The following EFR3B variants were observed in gnomAD, a reference collection of about 807,000 sequenced individuals.
EFR3B encodes the protein protein EFR3 homolog B.
In EFR3B, 64 loss-of-function variants were observed where a neutral mutation model predicts 104.7. The ratio of observed to expected loss-of-function variants is 0.61; its 90% CI spans 0.50 to 0.75. The LOEUF (loss-of-function observed/expected upper bound fraction) is 0.75, where lower values mean the gene tolerates loss of function less well. Among genes scored for constraint, EFR3B ranks in the 30% least tolerant of loss-of-function variants. The pLI is 0.00. For missense variants in EFR3B, 750 were observed against 1,078.5 expected, an observed-to-expected ratio of 0.70 and a Z score of 4.27; for synonymous variants, 385 against 417.9, an observed-to-expected ratio of 0.92 and a Z score of 0.96.
At chr2:25,073,957 C>T (rs534331140) in intron 1 of EFR3B, among the ~76,000 whole-genome samples, 10 of 152,098 alleles carry the variant, frequency 6.6e-5, no homozygotes, top group Non-Finnish European at 1.0e-4. Context: ...ATACCCAAGC[C>T]GCTTATATTT....
chr2:25,069,629 G>T (rs1042655478), intron 1 of EFR3B, among the ~76,000 whole-genome samples: 1 of 152,236 alleles, frequency 6.6e-6, no homozygotes, highest in South Asian at 2.1e-4. Context: ...TTTTGCAGTC[G>T]TGTTTATACC....
At chr2:25,078,762 C>A (rs1265886201) in intron 1 of EFR3B, among the ~76,000 whole-genome samples, 1 of 152,190 alleles carries the variant, frequency 6.6e-6, no homozygotes, top group Non-Finnish European at 1.5e-5. Flanking sequence ...AGAAGTCGAG[C>A]TGGCAGAGAG....
At chr2:25,093,247 C>G (rs946161881) in intron 3 of EFR3B, 117 bp downstream of exon 3, 17 of 1,353,536 alleles carry the variant, frequency 1.3e-5, no homozygotes. Context: ...GTAATCCCAG[C>G]GCTTTGGGAG....
chr2:25,119,004 G>A (rs888131016), intron 4 of EFR3B, among the ~76,000 whole-genome samples: 8 of 151,844 alleles, frequency 5.3e-5, no homozygotes, highest in African/African-American at 1.9e-4. Context: ...GTACATTTGA[G>A]TCTACACAGT....
chr2:25,125,781 T>A (rs1670149532), intron 5 of EFR3B, among the ~76,000 whole-genome samples: 4 of 152,142 alleles, frequency 2.6e-5, no homozygotes, highest in Admixed American at 2.6e-4. Flanking sequence ...ACCCTGTCTC[T>A]ACTAAAAATA....
intron 1 of EFR3B, among the ~76,000 whole-genome samples, chr2:25,052,121 G>A (rs56276051): frequency 2.8e-4 from 42 of 151,530 alleles, no homozygotes; most frequent in African/African-American, 9.5e-4. Flanking sequence ...ACCTGAACCC[G>A]GGAGGCGGAG....
At chr2:25,056,434 T>C (rs1668023743) in intron 1 of EFR3B, among the ~76,000 whole-genome samples, 1 of 85,860 alleles carries the variant, frequency 1.2e-5, no homozygotes, top group African/African-American at 4.4e-5. Flanking sequence ...ATATTACTTG[T>C]GCTTTTTTTT....
chr2:25,093,498 A>C (rs1669192874), intron 3 of EFR3B, among the ~76,000 whole-genome samples: 1 of 151,994 alleles, frequency 6.6e-6, no homozygotes, highest in Admixed American at 6.6e-5. Context: ...ATTTTGTCTC[A>C]AAAAAAGAAA....
intron 5 of EFR3B, among the ~76,000 whole-genome samples, chr2:25,124,740 A>G: frequency 7.6e-5 from 1 of 13,146 alleles, no homozygotes; most frequent in African/African-American, 1.7e-4. Flanking sequence ...CTCTGTCTCA[A>G]AAAAAAAAAA....
chr2:25,132,960 T>C lies in EFR3B; in HGVS notation c.1205T>C (p.Met402Thr), dbSNP rs1388879988. 1.9e-6 allele frequency: 3 copies of C among 1,551,676 alleles called. No individual in the cohort carries two copies. Among genetic ancestry groups the C allele is most frequent in the Admixed American group, 2.0e-5 (1 of 51,002 alleles). The change falls in exon 11 of 23, where the codon ATG becomes ACG. Residue 402 changes from methionine to threonine, a missense_variant. Transcript: ENST00000403714. ...CGCTCCGAGGTGATCCTCTTCATCA[T>C]GAGCAAGGTCCCGCGGCCATCCCTG... ...YQRSEVILFI[M>T]SKVPRPSLHQ...
chr2:25,094,037 A>C (rs894608843), intron 3 of EFR3B, among the ~76,000 whole-genome samples: 4 of 152,146 alleles, frequency 2.6e-5, no homozygotes, highest in Admixed American at 2.0e-4. Context: ...CTATAATCCC[A>C]GCACTTTAGG....
At chr2:25,059,964 T>C (rs1349219743) in intron 1 of EFR3B, among the ~76,000 whole-genome samples, 1 of 150,502 alleles carries the variant, frequency 6.6e-6, no homozygotes, top group African/African-American at 2.4e-5. Flanking sequence ...TTTGGGAGGC[T>C]GAGATGGGCA....
At chr2:25,084,618 T>C (rs1016887254) in intron 1 of EFR3B, among the ~76,000 whole-genome samples, 1 of 152,148 alleles carries the variant, frequency 6.6e-6, no homozygotes, top group Non-Finnish European at 1.5e-5. Flanking sequence ...CCTGACGACA[T>C]GTGCCCAAGG....
intron 1 of EFR3B, among the ~76,000 whole-genome samples, chr2:25,061,624 G>T (rs1668198454): frequency 1.3e-5 from 2 of 151,914 alleles, no homozygotes; most frequent in South Asian, 4.2e-4. Context: ...CTCCTGAGCA[G>T]CTGGGATTAC....
chr2:25,085,504 G>A (rs1327848763), intron 1 of EFR3B, among the ~76,000 whole-genome samples: 1 of 151,902 alleles, frequency 6.6e-6, no homozygotes, highest in Non-Finnish European at 1.5e-5. Context: ...TCTTTCTGTT[G>A]CCCAGGCTGG....
intron 4 of EFR3B, among the ~76,000 whole-genome samples, chr2:25,115,831 G>C (rs943051441): frequency 6.6e-6 from 1 of 152,226 alleles, no homozygotes; most frequent in Admixed American, 6.5e-5. Flanking sequence ...ATTTACTGCT[G>C]TTATTACTTA....
intron 1 of EFR3B, among the ~76,000 whole-genome samples, chr2:25,058,707 C>T (rs957257613): frequency 1.3e-4 from 19 of 151,112 alleles, no homozygotes; most frequent in Admixed American, 9.2e-4. Context: ...TGCAGTGAGC[C>T]GAGATCACGC....
intron 21 of EFR3B, among the ~76,000 whole-genome samples, chr2:25,152,723 A>G (rs1216601443): frequency 6.6e-6 from 1 of 152,228 alleles, no homozygotes; most frequent in East Asian, 1.9e-4. Flanking sequence ...ACAATGAAAC[A>G]TAACTGTAAA....
chr2:25,100,919 G>C (rs550966658), intron 3 of EFR3B, among the ~76,000 whole-genome samples: 83 of 152,326 alleles, frequency 5.4e-4, no homozygotes, highest in African/African-American at 1.9e-3. Context: ...GCCTTGCAAT[G>C]GTCTCCCATC....
Sources: gnomAD v4.1 joint callset for allele counts (sites outside exome capture counted in the v4.1 genomes callset) on GRCh38, gnomAD v4.1.1 for gene constraint, MANE v1.5 for transcripts, NCBI Gene and HGNC (gene_info 2026-07-23, HGNC 2026-07-21) for gene names.